F13A1: variants seen among roughly 807,000 people sequenced by gnomAD.
The protein encoded by F13A1 is FSF, A subunit.
Under a neutral mutation model 80.1 loss-of-function variants are expected in F13A1, and 47 were observed. The ratio of observed to expected loss-of-function variants is 0.59; its 90% CI spans 0.46 to 0.75. The LOEUF (loss-of-function observed/expected upper bound fraction) is 0.75, where lower values mean the gene tolerates loss of function less well. Ranked by LOEUF, F13A1 falls within the 30% of genes least tolerant of loss-of-function variation. F13A1 has a pLI of 0.00. For missense variants in F13A1, 817 were observed against 930.4 expected, an observed-to-expected ratio of 0.88 and a Z score of 1.59; for synonymous variants, 349 against 344.9, an observed-to-expected ratio of 1.01 and a Z score of -0.13.
chr6:6,250,662 TC>T lies in F13A1; in HGVS notation c.690+148del, dbSNP rs1231908730. ...CGCAGTTGTCTTTATGAGTCCCTAC[TC>T]CTATGCTCTCTGCCTTGGAGTCTCA... On this transcript the variant is annotated intron_variant, in intron 5 of 14. Coordinates refer to ENST00000264870, the MANE Select transcript of F13A1 (RefSeq NM_000129.4). This position sits in a 1 kb window ranked among gnomAD's most constrained non-coding sequence, Gnocchi z 4.2. The T allele has an allele frequency of 1.2e-5, 8 of 660,964 alleles. No homozygotes were observed. Among genetic ancestry groups the T allele is most frequent in the Non-Finnish European group, 2.2e-5 (8 of 366,528 alleles). The allele number at this position is 660,964 out of a possible 1,614,324, so 40.9% of individuals were successfully genotyped here.
intron 8 of F13A1, among the ~76,000 whole-genome samples, chr6:6,217,102 T>C (rs1296824858): frequency 2.1e-5 from 3 of 144,742 alleles, no homozygotes; most frequent in Admixed American, 2.0e-4. Flanking sequence ...AGTTCAACCA[T>C]TGTGGAAGTC....
At chr6:6,313,569 T>C (rs1374867435) in intron 2 of F13A1, among the ~76,000 whole-genome samples, 1 of 152,170 alleles carries the variant, frequency 6.6e-6, no homozygotes, top group Non-Finnish European at 1.5e-5. Flanking sequence ...ATAAGTTAAA[T>C]GTTTAGGTTT....
intron 13 of F13A1, among the ~76,000 whole-genome samples, chr6:6,160,248 G>A (rs907905207): frequency 1.4e-3 from 214 of 148,512 alleles, no homozygotes; most frequent in East Asian, 6.0e-4. Flanking sequence ...CTGCACTCTA[G>A]CCTGGGGGAC....
At chr6:6,269,300 T>C (rs1757888270) in intron 3 of F13A1, among the ~76,000 whole-genome samples, 1 of 152,160 alleles carries the variant, frequency 6.6e-6, no homozygotes, top group South Asian at 2.1e-4. Context: ...GTAGTTATCA[T>C]TACTTCCCTG....
intron 10 of F13A1, among the ~76,000 whole-genome samples, chr6:6,190,911 G>C (rs1264707292): frequency 3.3e-5 from 5 of 150,114 alleles, no homozygotes; most frequent in Non-Finnish European, 5.9e-5. Flanking sequence ...GCCAGGTGCG[G>C]GATATAATCT....
chr6:6,252,214 A>G (rs1275086610), intron 4 of F13A1, among the ~76,000 whole-genome samples: 1 of 152,218 alleles, frequency 6.6e-6, no homozygotes, highest in Non-Finnish European at 1.5e-5. Context: ...TCTAGAGGAA[A>G]AGATTTAAGT....
At chr6:6,268,856 C>T (rs1757880731) in intron 3 of F13A1, among the ~76,000 whole-genome samples, 1 of 151,406 alleles carries the variant, frequency 6.6e-6, no homozygotes, top group Admixed American at 6.6e-5. Context: ...GCCTGGCTAA[C>T]TTTTTGTATT....
At chr6:6,175,697 A>T (rs762485355) in intron 11 of F13A1, among the ~76,000 whole-genome samples, 42 of 152,236 alleles carry the variant, frequency 2.8e-4, no homozygotes, top group Admixed American at 7.9e-4. Flanking sequence ...TCCCAAACTC[A>T]TCTGACACGG....
intron 8 of F13A1, among the ~76,000 whole-genome samples, chr6:6,221,074 A>G (rs1047324690): frequency 6.6e-6 from 1 of 152,140 alleles, no homozygotes; most frequent in African/African-American, 2.4e-5. Flanking sequence ...TAGCTTTATT[A>G]TTTGTGCATG....
chr6:6,226,779 A>G (rs1261408886), intron 6 of F13A1, among the ~76,000 whole-genome samples: 1 of 152,246 alleles, frequency 6.6e-6, no homozygotes, highest in African/African-American at 2.4e-5. Flanking sequence ...ATATTTGAGT[A>G]AGAATAAGAC....
chr6:6,273,904 CA>C (rs35528272), intron 3 of F13A1, among the ~76,000 whole-genome samples: 3 of 152,006 alleles, frequency 2.0e-5, no homozygotes, highest in Non-Finnish European at 2.9e-5. Context: ...ATGCCACCAC[CA>C]AAAAAGAAAC....
At chr6:6,315,836 G>A (rs542206366) in intron 2 of F13A1, among the ~76,000 whole-genome samples, 6 of 151,676 alleles carry the variant, frequency 4.0e-5, no homozygotes, top group African/African-American at 9.7e-5. Flanking sequence ...CGGATACAAG[G>A]CCTCTTAGAG....
At chr6:6,155,829 C>T (rs913942752) in intron 13 of F13A1, among the ~76,000 whole-genome samples, 2 of 152,192 alleles carry the variant, frequency 1.3e-5, no homozygotes, top group African/African-American at 4.8e-5. Flanking sequence ...TATCTGTTTG[C>T]ATCACATTAT....
At position 6,277,261 on chromosome 6, in the gene F13A1, G is replaced by A. The variant is rs1272423; in HGVS notation, c.320-10452C>T. Reference sequence around the variant, plus strand: ...TGAGGCAGGAGAATGGCGTGAACCCGGGAGGCGGAGCTTGCAGTGAGCCGA... The same window carrying A: ...TGAGGCAGGAGAATGGCGTGAACCCAGGAGGCGGAGCTTGCAGTGAGCCGA... On this transcript the variant is annotated intron_variant, in intron 3 of 14. Transcript: ENST00000264870. Among the ~76,000 whole-genome samples, 4 of 26,854 alleles carry A rather than the reference G, an allele frequency of 1.5e-4. 1 individual carries two copies. The South Asian group carries it at 3.7e-3, about 25-fold the overall frequency. 17.6% of individuals were successfully genotyped at this position (26,854 alleles called of 152,430 possible).
At chr6:6,149,512 C>T (rs780313072) in intron 14 of F13A1, among the ~76,000 whole-genome samples, 1 of 152,158 alleles carries the variant, frequency 6.6e-6, no homozygotes, top group Non-Finnish European at 1.5e-5. Context: ...GGGTGGGGCT[C>T]ATGATGGGAT....
intron 7 of F13A1, 59 bp downstream of exon 7, chr6:6,224,627 A>T: frequency 6.6e-7 from 1 of 1,516,402 alleles, no homozygotes; most frequent in Non-Finnish European, 9.1e-7. Context: ...TTATAGAAAA[A>T]ATGTCTTAGA....
chr6:6,165,159 A>G (rs1760644670), intron 13 of F13A1, among the ~76,000 whole-genome samples: 1 of 152,176 alleles, frequency 6.6e-6, no homozygotes, highest in South Asian at 2.1e-4. Flanking sequence ...TCCCTATCAA[A>G]TGTCCCTACC....
At chr6:6,179,401 TTTG>T (rs1760940120) in intron 11 of F13A1, among the ~76,000 whole-genome samples, 1 of 152,232 alleles carries the variant, frequency 6.6e-6, no homozygotes, top group African/African-American at 2.4e-5. Context: ...CTAGTAATAA[TTTG>T]TTTCCTGTGA....
rs180718534 is a variant in F13A1, at chr6:6,246,934, A to G, written c.798+1378T>C. Among the ~76,000 whole-genome samples the G allele has an allele frequency of 2.4e-3, 364 of 152,348 alleles. 2 individuals are homozygous for G. Among genetic ancestry groups the G allele is most frequent in the African/African-American group, 8.2e-3 (342 of 41,588 alleles). ...GGTAACTTCAAAGAAGAAAAAGAGA[A>G]ATCTTGTGGGCGAAACAGTAAAAAT... On this transcript the variant is annotated intron_variant, in intron 6 of 14. Transcript: ENST00000264870.
Sources: allele counts gnomAD v4.1 joint callset (sites outside exome capture counted in the v4.1 genomes callset), GRCh38; gene constraint gnomAD v4.1.1; non-coding constraint Gnocchi (gnomAD v3.1); transcripts MANE v1.5; gene names NCBI Gene and HGNC (gene_info 2026-07-23, HGNC 2026-07-21).